The following PIEZO2 variants were observed in gnomAD, a reference collection of about 807,000 sequenced individuals.
PIEZO2 encodes the protein piezo type mechanosensitive ion channel component 2, also known as piezo-type mechanosensitive ion channel component 2.
A neutral mutation model predicts 337.3 loss-of-function variants in PIEZO2; 172 were observed. The ratio of observed to expected loss-of-function variants is 0.51; its 90% CI spans 0.45 to 0.58. The LOEUF (loss-of-function observed/expected upper bound fraction) is 0.58, where lower values mean the gene tolerates loss of function less well. PIEZO2 is among the 20% of genes least tolerant of loss of function. The pLI is 0.00. For synonymous variants in PIEZO2, 1,251 were observed against 1,228.5 expected, an observed-to-expected ratio of 1.02 and a Z score of -0.38; for missense variants, 3,028 against 3,391.3, an observed-to-expected ratio of 0.89 and a Z score of 2.66.
intron 2 of PIEZO2, among the ~76,000 whole-genome samples, chr18:11,005,255 G>C (rs2035678135): frequency 6.6e-6 from 1 of 152,202 alleles, no homozygotes; most frequent in South Asian, 2.1e-4. Flanking sequence ...GATGTCTCCT[G>C]TACAGAGTTA....
intron 4 of PIEZO2, 55 bp from the exon 5 acceptor site, chr18:10,871,470 G>C: frequency 6.9e-7 from 1 of 1,456,294 alleles, no homozygotes; most frequent in East Asian, 2.5e-5. Context: ...TATTTCTACG[G>C]TTAAACTGCC....
intron 7 of PIEZO2, among the ~76,000 whole-genome samples, chr18:10,844,653 G>T (rs991488891): frequency 1.1e-4 from 17 of 151,940 alleles, no homozygotes; most frequent in South Asian, 8.3e-4. Flanking sequence ...GCTAGGCGTG[G>T]TGGTGGGTGC....
intron 18 of PIEZO2, among the ~76,000 whole-genome samples, chr18:10,776,009 G>T (rs1459124104): frequency 6.6e-6 from 1 of 152,170 alleles, no homozygotes; most frequent in Non-Finnish European, 1.5e-5. Context: ...ATTGTACCTT[G>T]TATTGTAAAA....
intron 43 of PIEZO2, among the ~76,000 whole-genome samples, chr18:10,701,127 G>T (rs1040889850): frequency 1.8e-4 from 27 of 152,186 alleles, no homozygotes; most frequent in African/African-American, 6.3e-4. Flanking sequence ...TAGGGACTAA[G>T]AAAGATACTC....
Position 10,815,426 on chromosome 18 carries a change from G to GT in PIEZO2, c.918-8153dup, listed in dbSNP as rs1358950613. ...TTGGAAAATGAGGCTAGTAAATAACGTATCTCAAAGAGGTAATGTGAAGAC... is the reference window on the plus strand; with the variant it reads ...TTGGAAAATGAGGCTAGTAAATAACGTTATCTCAAAGAGGTAATGTGAAGAC... On this transcript the variant is annotated intron_variant, in intron 7 of 55. Transcript: ENST00000674853. This position sits in a 1 kb window ranked among gnomAD's most constrained non-coding sequence, Gnocchi z 4.1. Among the ~76,000 whole-genome samples, 9 of 152,256 alleles carry GT rather than the reference G, an allele frequency of 5.9e-5. No individual in the cohort carries two copies. The highest frequency in any genetic ancestry group is 2.2e-4 in the African/African-American group (9 of 41,538).
At chr18:11,139,300 T>C (rs2146274031) in intron 1 of PIEZO2, among the ~76,000 whole-genome samples, 1 of 152,304 alleles carries the variant, frequency 6.6e-6, no homozygotes, top group East Asian at 1.9e-4. Flanking sequence ...CCTGGGGCTC[T>C]TAGTCAAGAT....
At chr18:10,927,285 G>C (rs1281277329) in intron 3 of PIEZO2, among the ~76,000 whole-genome samples, 1 of 151,832 alleles carries the variant, frequency 6.6e-6, no homozygotes, top group Non-Finnish European at 1.5e-5. Context: ...CAAGTTCTTG[G>C]CTCAGCAAAG....
chr18:11,099,601 G>A lies in PIEZO2; in HGVS notation c.65-33379C>T, dbSNP rs1220160600. Among the ~76,000 whole-genome samples the A allele has an allele frequency of 6.6e-6, 1 of 152,134 alleles. No homozygotes were observed. Among genetic ancestry groups the A allele is most frequent in the African/African-American group, 2.4e-5 (1 of 41,422 alleles). ...CTGGCCTTAGCCTCCCGAGTAGCGG[G>A]GATCACAGGTGCCTGCCACCATGCC... is the stretch of plus-strand genomic sequence containing the variant. On this transcript the variant is annotated intron_variant, in intron 1 of 55. Transcript: ENST00000674853. This position sits in a 1 kb window ranked among gnomAD's most constrained non-coding sequence, Gnocchi z 5.4.
chr18:10,824,964 A>T lies in PIEZO2; in HGVS notation c.918-17690T>A, dbSNP rs1442119413. 6.6e-6 allele frequency among the ~76,000 whole-genome samples: 1 copy of T among 152,102 alleles called. No individual in the cohort carries two copies. The highest frequency in any genetic ancestry group is 1.5e-5 in the Non-Finnish European group (1 of 68,020). ...CTGCAACCTCCACTTCCTGGGTCCA[A>T]GTGATTCTCCTGCCTCAGCCTCCCG... On this transcript the variant is annotated intron_variant, in intron 7 of 55. Coordinates refer to ENST00000674853, the MANE Select transcript of PIEZO2 (RefSeq NM_001378183.1). This position sits in a 1 kb window ranked among gnomAD's most constrained non-coding sequence, Gnocchi z 4.4.
intron 36 of PIEZO2, among the ~76,000 whole-genome samples, chr18:10,730,107 C>A (rs1210756919): frequency 6.6e-6 from 1 of 152,130 alleles, no homozygotes; most frequent in Non-Finnish European, 1.5e-5. Context: ...ATAGAATAAG[C>A]CAAACACCTA....
chr18:11,147,327 G>C (rs2040835867), intron 1 of PIEZO2, among the ~76,000 whole-genome samples: 1 of 152,152 alleles, frequency 6.6e-6, no homozygotes, highest in Non-Finnish European at 1.5e-5. Flanking sequence ...CACTCGGAGC[G>C]CCTTTCTGGG....
Position 10,705,501 on chromosome 18 carries a change from C to A in PIEZO2, c.5834G>T (p.Ser1945Ile), listed in dbSNP as rs1406501430. The A allele has an allele frequency of 2.6e-6, 4 of 1,537,126 alleles. No homozygotes were observed. The highest frequency in any genetic ancestry group is 3.5e-6 in the Non-Finnish European group (4 of 1,146,900). Residue 1945 changes from serine to isoleucine, a missense_variant, in exon 41 of 56, where the codon AGC becomes ATC. Transcript: ENST00000674853. Reference sequence around the variant, plus strand: ...CAGATGCTCGAAGCTCACAGCCTTGCTGTAGGAGGGTGGGGCCTCCACATC... The same window carrying A: ...CAGATGCTCGAAGCTCACAGCCTTGATGTAGGAGGGTGGGGCCTCCACATC... ...DGDVEAPPSY[S>I]KAVSFEHLSF...
rs2146149870 is a variant in PIEZO2 at position 11,112,201 on chromosome 18, A to G, written c.64+36324T>C. 1.3e-5 allele frequency among the ~76,000 whole-genome samples: 2 copies of G among 152,346 alleles called. No homozygotes were observed. Among genetic ancestry groups the G allele is most frequent in the South Asian group, 4.1e-4 (2 of 4,820 alleles). On this transcript the variant is annotated intron_variant, in intron 1 of 55. Coordinates refer to ENST00000674853, the MANE Select transcript of PIEZO2 (RefSeq NM_001378183.1). This position sits in a 1 kb window ranked among gnomAD's most constrained non-coding sequence, Gnocchi z 4.3. ...TTAAGTAATCCTCTAGGTATTTTGT[A>G]TCTACAGGATCAGATATTCGGATAT... is the stretch of plus-strand genomic sequence containing the variant.
At position 10,672,354 on chromosome 18, in the gene PIEZO2, T is replaced by C. The variant is rs1237668712; in HGVS notation, c.8345+336A>G. On this transcript the variant is annotated intron_variant, in intron 55 of 55. Transcript: ENST00000674853. This position sits in a 1 kb window ranked among gnomAD's most constrained non-coding sequence, Gnocchi z 4.7. ...AAAAGCAGGATGTCTAATAGATCCA[T>C]CTGCTAAGGATTAGAAGGAAATCTA... Among the ~76,000 whole-genome samples the C allele has an allele frequency of 3.9e-5, 6 of 152,224 alleles. No homozygotes were observed. Among genetic ancestry groups the C allele is most frequent in the Non-Finnish European group, 8.8e-5 (6 of 68,034 alleles).
At chr18:11,006,135 G>A (rs181009580) in intron 2 of PIEZO2, among the ~76,000 whole-genome samples, 127 of 152,166 alleles carry the variant, frequency 8.3e-4, no homozygotes, top group Non-Finnish European at 1.5e-3. Flanking sequence ...GCTAAAATGC[G>A]AACCATCTCC....
chr18:10,932,857 G>A (rs974683316), intron 3 of PIEZO2, among the ~76,000 whole-genome samples: 9 of 151,856 alleles, frequency 5.9e-5, no homozygotes, highest in Non-Finnish European at 7.4e-5. Context: ...CTAGGAGATC[G>A]AGGCTGCAGT....
chr18:10,696,192 C>T lies in PIEZO2; in HGVS notation c.7072G>A (p.Val2358Met), dbSNP rs768440877. 1 of 1,614,086 alleles carries T rather than the reference C, an allele frequency of 6.2e-7. No individual in the cohort carries two copies. The highest frequency in any genetic ancestry group is 8.5e-7 in the Non-Finnish European group (1 of 1,179,896). Residue 2358 changes from valine (V) to methionine (M), a missense_variant, in exon 47 of 56, where the codon GTG (valine) becomes ATG (methionine). Around this residue, in one of 5 missense-constraint regions of PIEZO2, gnomAD observed 179 missense variants for 281.8 expected, o/e 0.64. Coordinates refer to ENST00000674853, the MANE Select transcript of PIEZO2 (RefSeq NM_001378183.1). ...VMVLIQFGTM[V>M]VDRALYLRKT... ...CTGAGGTAGAGGGCTCGGTCCACCA[C>T]CATGGTTCCAAACTGAATGAGGACC...
intron 7 of PIEZO2, among the ~76,000 whole-genome samples, chr18:10,835,410 AG>A (rs2040978090): frequency 6.6e-6 from 1 of 152,252 alleles, no homozygotes; most frequent in East Asian, 1.9e-4. Flanking sequence ...GTAAAGACAG[AG>A]AAACTTTCCA....
Position 10,780,331 on chromosome 18 carries a change from A to G in PIEZO2, c.2528T>C (p.Ile843Thr), listed in dbSNP as rs1432276546. 1.4e-6 allele frequency: 1 copy of G among 703,010 alleles called. No homozygotes were observed. Among genetic ancestry groups the G allele is most frequent in the East Asian group, 2.7e-5 (1 of 37,284 alleles). 43.5% of individuals were successfully genotyped at this position (703,010 alleles called of 1,614,324 possible). A position where few individuals can be genotyped will look rare whatever the true frequency, so the allele number is the denominator to read the frequency against. ...AAAACATTGAAGTACCCACCTATTT[A>G]TTATTAGATATACGCGACCATTGAC... is the stretch of plus-strand genomic sequence containing the variant. ...AKVNGRVYLI[I>T]NSIKKKLPIH... The change falls in exon 18 of 56, where the codon ATA (isoleucine) becomes ACA (threonine). Residue 843 changes from isoleucine (I) to threonine (T), a missense_variant. Around this residue, in one of 5 missense-constraint regions of PIEZO2, gnomAD observed 1,925 missense variants for 2,051.9 expected, o/e 0.94. Coordinates refer to ENST00000674853, the MANE Select transcript of PIEZO2 (RefSeq NM_001378183.1).
Sources: gnomAD v4.1 joint callset for allele counts (sites outside exome capture counted in the v4.1 genomes callset) on GRCh38, gnomAD v4.1.1 for gene constraint, gnomAD v4.1.1 regional missense constraint, Gnocchi (gnomAD v3.1) non-coding constraint, MANE v1.5 for transcripts, NCBI Gene and HGNC (gene_info 2026-07-23, HGNC 2026-07-21) for gene names.